Variants in GALNT13 observed in about 807,000 individuals in gnomAD.
The protein encoded by GALNT13 is UDP-GalNAc:polypeptide N-acetylgalactosaminyltransferase 13.
Under a neutral mutation model 64.2 loss-of-function variants are expected in GALNT13, and 28 were observed. The ratio of observed to expected loss-of-function variants is 0.44; its 90% CI spans 0.32 to 0.60. The LOEUF (loss-of-function observed/expected upper bound fraction) is 0.60, where lower values mean the gene tolerates loss of function less well. Ranked by LOEUF, GALNT13 falls within the 20% of genes least tolerant of loss-of-function variation. The pLI is 0.05. For synonymous variants in GALNT13, 214 were observed against 224.6 expected (o/e 0.95, Z 0.42); for missense variants, 577 against 669.8 (o/e 0.86, Z 1.53).
At chr2:154,239,587 AC>A (rs1689373250) in intron 4 of GALNT13, among the ~76,000 whole-genome samples, 1 of 152,202 alleles carries the variant, frequency 6.6e-6, no homozygotes, top group African/African-American at 2.4e-5. Flanking sequence ...ACTTGGAGAT[AC>A]AAGTCAAATG....
At chr2:153,222,307 T>TGGGGGCGGGGGGCGGG in the GALNT13 span, among the ~76,000 whole-genome samples, 10 of 6,328 alleles carry the variant, frequency 1.6e-3, 1 homozygote, top group African/African-American at 6.4e-3. Flanking sequence ...TGAGTCTGGC[T>TGGGGGCGGGGGGCGGG]GGGGGGGGGG....
chr2:153,668,358 A>G, the GALNT13 span, among the ~76,000 whole-genome samples: 2 of 152,164 alleles, frequency 1.3e-5, no homozygotes, highest in African/African-American at 4.8e-5. Flanking sequence ...ATACTTACCT[A>G]TAAAGCAATT....
chr2:153,947,438 G>C (rs1375173788), intron 3 of GALNT13, among the ~76,000 whole-genome samples: 1 of 149,836 alleles, frequency 6.7e-6, no homozygotes, highest in Admixed American at 6.7e-5. Context: ...GATCACTGAT[G>C]TTGAGTTTTT....
chr2:153,151,545 G>C, the GALNT13 span, among the ~76,000 whole-genome samples: 1 of 152,062 alleles, frequency 6.6e-6, no homozygotes, highest in East Asian at 1.9e-4. Flanking sequence ...GTTTATTAGA[G>C]CACTATTCAC....
At chr2:154,283,849 T>C (rs933563200) in intron 8 of GALNT13, among the ~76,000 whole-genome samples, 10 of 152,178 alleles carry the variant, frequency 6.6e-5, no homozygotes, top group Non-Finnish European at 1.2e-4. Flanking sequence ...GTAAGTTCTA[T>C]AAATCAGTGA....
chr2:154,388,469 G>A (rs1314794673), intron 9 of GALNT13, among the ~76,000 whole-genome samples: 1 of 148,430 alleles, frequency 6.7e-6, no homozygotes, highest in Non-Finnish European at 1.5e-5. Flanking sequence ...TTTTTGTCCA[G>A]ACAAATATGG....
intron 4 of GALNT13, among the ~76,000 whole-genome samples, chr2:154,202,962 T>A (rs1173555440): frequency 6.6e-6 from 1 of 152,152 alleles, no homozygotes; most frequent in Non-Finnish European, 1.5e-5. Context: ...TCGGTGAATC[T>A]GATTCAGTCA....
chr2:154,132,696 G>T (rs557478211), intron 3 of GALNT13, among the ~76,000 whole-genome samples: 1 of 151,812 alleles, frequency 6.6e-6, no homozygotes, highest in African/African-American at 2.4e-5. Flanking sequence ...GACCAAGCTG[G>T]CCAACTTGGT....
At chr2:153,879,368 G>A (rs1686616270) in intron 1 of GALNT13, among the ~76,000 whole-genome samples, 2 of 151,730 alleles carry the variant, frequency 1.3e-5, no homozygotes, top group African/African-American at 2.4e-5. Flanking sequence ...GTGTGTGTGT[G>A]TGTGTGTGTG....
chr2:154,150,200 C>A (rs1361234927), intron 4 of GALNT13, among the ~76,000 whole-genome samples: 1 of 152,088 alleles, frequency 6.6e-6, no homozygotes, highest in African/African-American at 2.4e-5. Context: ...TGGTTTTTGT[C>A]TTTGGTTCTG....
chr2:154,255,407 G>A (rs1210643878), intron 7 of GALNT13, among the ~76,000 whole-genome samples: 2 of 152,106 alleles, frequency 1.3e-5, no homozygotes, highest in Admixed American at 6.6e-5. Context: ...GTAGTAAGGT[G>A]GAATGAAAAT....
At chr2:153,339,096 A>G in the GALNT13 span, among the ~76,000 whole-genome samples, 1 of 152,200 alleles carries the variant, frequency 6.6e-6, no homozygotes, top group African/African-American at 2.4e-5. Context: ...GAATGCAGAT[A>G]TGTCTTGGAC....
At chr2:153,767,800 T>G in the GALNT13 span, among the ~76,000 whole-genome samples, 1 of 152,116 alleles carries the variant, frequency 6.6e-6, no homozygotes. Flanking sequence ...AATGTTTTTT[T>G]TTTTTCCCCC....
chr2:154,294,266 C>T (rs761683425), intron 8 of GALNT13, among the ~76,000 whole-genome samples: 1 of 152,222 alleles, frequency 6.6e-6, no homozygotes, highest in African/African-American at 2.4e-5. Context: ...CAAAGTCAGA[C>T]AGGTTTTCCT....
the GALNT13 span, among the ~76,000 whole-genome samples, chr2:153,866,913 G>A: frequency 6.6e-6 from 1 of 152,224 alleles, no homozygotes; most frequent in Non-Finnish European, 1.5e-5. Flanking sequence ...ATTTACATCA[G>A]TTAAAATCTT....
At chr2:153,148,802 G>C in the GALNT13 span, among the ~76,000 whole-genome samples, 1 of 151,734 alleles carries the variant, frequency 6.6e-6, no homozygotes, top group Non-Finnish European at 1.5e-5. Context: ...AAAACACAAA[G>C]AGAAAAAGAC....
chr2:153,683,977 TG>T, the GALNT13 span, among the ~76,000 whole-genome samples: 6 of 151,634 alleles, frequency 4.0e-5, no homozygotes, highest in South Asian at 1.2e-3. Context: ...CTTCAGCAAC[TG>T]GAAGTCAGCA....
chr2:154,240,158 A>G (rs1238659185), intron 4 of GALNT13, among the ~76,000 whole-genome samples: 6 of 152,206 alleles, frequency 3.9e-5, no homozygotes, highest in Non-Finnish European at 1.5e-5. Flanking sequence ...ATGACATGAC[A>G]GAAATGCCTG....
chr2:153,975,716 G>A (rs1417092002), intron 3 of GALNT13, among the ~76,000 whole-genome samples: 1 of 152,034 alleles, frequency 6.6e-6, no homozygotes, highest in African/African-American at 2.4e-5. Flanking sequence ...CAAAGTTTCA[G>A]TTACACAGGA....
Sources: gnomAD v4.1 joint callset for allele counts (sites outside exome capture counted in the v4.1 genomes callset) on GRCh38, gnomAD v4.1.1 for gene constraint, MANE v1.5 for transcripts, NCBI Gene and HGNC (gene_info 2026-07-23, HGNC 2026-07-21) for gene names.